CNGB1: variants seen among roughly 807,000 people sequenced by gnomAD.
The protein encoded by CNGB1 is cyclic nucleotide gated channel subunit beta 1.
A neutral mutation model predicts 151.7 loss-of-function variants in CNGB1; 126 were observed. The ratio of observed to expected loss-of-function variants is 0.83; its 90% CI spans 0.72 to 0.96. The LOEUF is 0.96. CNGB1 is among the 40% of genes least tolerant of loss of function. The pLI, the probability that CNGB1 is intolerant of heterozygous loss-of-function variation, is 0.00. For missense variants in CNGB1, 1,698 were observed against 1,627.0 expected, an observed-to-expected ratio of 1.04 and a Z score of -0.75; for synonymous variants, 623 against 635.1, an observed-to-expected ratio of 0.98 and a Z score of 0.29.
chr16:57,943,736 AT>A (rs1464141581), intron 14 of CNGB1, among the ~76,000 whole-genome samples: 1 of 152,176 alleles, frequency 6.6e-6, no homozygotes, highest in African/African-American at 2.4e-5. Flanking sequence ...TGTTGGTGGG[AT>A]TGTAAATTCA....
chr16:57,931,836 G>A lies in CNGB1; in HGVS notation c.1415C>T (p.Thr472Ile), dbSNP rs1961360646. 1 of 1,614,190 alleles carries A rather than the reference G, an allele frequency of 6.2e-7. No homozygotes were observed. Among genetic ancestry groups the A allele is most frequent in the African/African-American group, 1.3e-5 (1 of 75,042 alleles). Residue 472 changes from threonine (T) to isoleucine (I), a missense_variant, in exon 17 of 33, where the codon ACT (threonine) becomes ATT (isoleucine). Thr to Ile is a moderately conservative substitution (Grantham distance 89). Coordinates refer to ENST00000251102, the MANE Select transcript of CNGB1 (RefSeq NM_001297.5). ...CATGAGGGGGCAGCTATCAGCATCA[G>A]TATCTTCCACCTGCACTTCTGGGTG... ...KQHPEVQVED[T>I]DADSCPLMAE...
intron 14 of CNGB1, among the ~76,000 whole-genome samples, chr16:57,943,148 G>A (rs960172759): frequency 9.2e-5 from 14 of 151,924 alleles, no homozygotes; most frequent in African/African-American, 3.4e-4. Flanking sequence ...GTCAAATAAG[G>A]GGTTAATATC....
rs140016030 is a variant in CNGB1 at position 57,966,320 on chromosome 16, A to G, written c.159+808T>C. Among the ~76,000 whole-genome samples the G allele has an allele frequency of 1.3e-4, 20 of 152,300 alleles. No homozygotes were observed. The East Asian group carries it at 3.9e-3, about 29-fold the overall frequency. On this transcript the variant is annotated intron_variant, in intron 2 of 32. Coordinates refer to ENST00000251102, the MANE Select transcript of CNGB1 (RefSeq NM_001297.5). ...CTGCTGAGTCCCCGGGGCAATGCCT[A>G]TTCATCTTTATGCTTTCAGCACTGA...
chr16:57,960,760 G>T, intron 8 of CNGB1, 80 bp downstream of exon 8: 1 of 1,447,908 alleles, frequency 6.9e-7, no homozygotes, highest in Non-Finnish European at 9.6e-7. Context: ...GGGACAGCCT[G>T]CTGGAGGAGG....
intron 12 of CNGB1, among the ~76,000 whole-genome samples, chr16:57,950,761 C>T (rs546586628): frequency 4.9e-4 from 75 of 152,342 alleles, no homozygotes; most frequent in Middle Eastern, 3.4e-3. Context: ...CCATTATTTT[C>T]CCCCCTTCTC....
chr16:57,932,080 C>A (rs1277364503), intron 16 of CNGB1, among the ~76,000 whole-genome samples: 1 of 152,188 alleles, frequency 6.6e-6, no homozygotes, highest in East Asian at 1.9e-4. Context: ...GTCACAGCCA[C>A]CAGCCCAGGA....
chr16:57,897,320 A>G, intron 31 of CNGB1, 77 bp downstream of exon 31: 3 of 1,243,856 alleles, frequency 2.4e-6, no homozygotes, highest in Non-Finnish European at 3.5e-6. Context: ...AAAAAAAAAG[A>G]TAAAGGTACT....
rs115861020 is a variant in CNGB1 at position 57,970,865 on chromosome 16, T to A, written c.-9+195A>T. Among the ~76,000 whole-genome samples, 370 of 152,152 alleles carry A rather than the reference T, an allele frequency of 2.4e-3. 2 individuals are homozygous for A. The highest frequency in any genetic ancestry group is 7.8e-3 in the African/African-American group (325 of 41,534). On this transcript the variant is annotated intron_variant, in intron 1 of 32. Transcript: ENST00000251102. The stretch of plus-strand genomic sequence containing the variant: ...GATTCCTAGGTCCCCCAAGTCCTCC[T>A]GGGGGACCTAGGAATTTGCATTGTA...
At chr16:57,926,300 GC>G (rs1258298277) in intron 17 of CNGB1, among the ~76,000 whole-genome samples, 2 of 152,174 alleles carry the variant, frequency 1.3e-5, no homozygotes, top group Non-Finnish European at 2.9e-5. Flanking sequence ...AGAGAGCTGG[GC>G]AGGAGGACAC....
intron 9 of CNGB1, 106 bp downstream of exon 9, chr16:57,960,375 TG>T: frequency 7.1e-7 from 1 of 1,412,796 alleles, no homozygotes. Flanking sequence ...CGTCCTAGTC[TG>T]GGTGGGGGCT....
chr16:57,915,488 G>A lies in CNGB1; in HGVS notation c.2218-153C>T, dbSNP rs543110765. On this transcript the variant is annotated intron_variant, in intron 22 of 32. Coordinates refer to ENST00000251102, the MANE Select transcript of CNGB1 (RefSeq NM_001297.5). ...ACTAGAGGGCAGAAGGTGTCCCACC[G>A]ACAAGCCCTTGTTTGGCTTCAAAGC... Among the ~76,000 whole-genome samples the A allele has an allele frequency of 3.3e-5, 5 of 152,180 alleles. No homozygotes were observed. In the South Asian group the frequency reaches 8.3e-4, roughly 25 times the overall value.
rs35373193 is a variant in CNGB1, at chr16:57,918,108, GTTAT to G, written c.1958-636_1958-633del. On this transcript the variant is annotated intron_variant, in intron 20 of 32. Transcript: ENST00000251102. ...ATAGATGGGTATTCCAGATCATCTG[GTTAT>G]TTATTTATTTATTTATTTATTTATT... Among the ~76,000 whole-genome samples the G allele has an allele frequency of 6.2e-3, 884 of 142,442 alleles. 2 individuals carry two copies. Among genetic ancestry groups the G allele is most frequent in the Non-Finnish European group, 8.0e-3 (528 of 65,834 alleles). The allele number at this position is 142,442 out of a possible 152,430, so 93.4% of individuals were successfully genotyped here.
At chr16:57,914,618 G>T (rs1174500624) in intron 23 of CNGB1, among the ~76,000 whole-genome samples, 12 of 152,176 alleles carry the variant, frequency 7.9e-5, no homozygotes, top group Admixed American at 6.5e-4. Flanking sequence ...TGCTCTGAGT[G>T]GCTATCCACC....
At position 57,888,054 on chromosome 16, in the gene CNGB1, T is replaced by A; in HGVS notation, c.3263A>T (p.Asn1088Ile). 1 of 1,614,056 alleles carries A rather than the reference T, an allele frequency of 6.2e-7. No individual in the cohort carries two copies. Among genetic ancestry groups the A allele is most frequent in the Non-Finnish European group, 8.5e-7 (1 of 1,180,030 alleles). Residue 1088 changes from asparagine (N) to isoleucine (I), a missense_variant, in exon 32 of 33, where the codon AAT becomes ATT. Coordinates refer to ENST00000251102, the MANE Select transcript of CNGB1 (RefSeq NM_001297.5). ...CACGCTCTTCTCCTCCTTGGGCTTATTGTTGCTTCTCAGCATGCGCCTGGA... is the reference window on the plus strand; with the variant it reads ...CACGCTCTTCTCCTCCTTGGGCTTAATGTTGCTTCTCAGCATGCGCCTGGA... ...KKARRMLRSN[N>I]KPKEEKSVLI...
chr16:57,956,049 T>C, intron 12 of CNGB1, among the ~76,000 whole-genome samples: 1 of 152,142 alleles, frequency 6.6e-6, no homozygotes, highest in East Asian at 1.9e-4. Flanking sequence ...CCATAACCCA[T>C]ATGCTCCAGG....
intron 1 of CNGB1, among the ~76,000 whole-genome samples, chr16:57,969,375 A>G (rs1160630601): frequency 6.6e-6 from 1 of 152,034 alleles, no homozygotes; most frequent in Non-Finnish European, 1.5e-5. Context: ...CCAGCACTTC[A>G]GGAGGCTGAG....
At position 57,903,958 on chromosome 16, in the gene CNGB1, G is replaced by A. The variant is rs748162177; in HGVS notation, c.2658C>T (p.Ala886=). Residue 886 remains alanine, a synonymous_variant, in exon 27 of 33, where the codon GCC becomes GCT. Transcript: ENST00000251102. ...IGQMRDVVGA[A]TAGQTYYRSC... is the part of the protein sequence containing the mutation. ...TGCGGTAGTAGGTCTGTCCGGCGGTGGCGGCCCCTACCACATCTCTCATCT... is the reference window on the plus strand; with the variant it reads ...TGCGGTAGTAGGTCTGTCCGGCGGTAGCGGCCCCTACCACATCTCTCATCT... The A allele has an allele frequency of 5.6e-6, 9 of 1,613,824 alleles. No homozygotes were observed. Among genetic ancestry groups the A allele is most frequent in the Middle Eastern group, 1.7e-4 (1 of 5,972 alleles).
intron 16 of CNGB1, among the ~76,000 whole-genome samples, chr16:57,939,002 T>C (rs1174134839): frequency 6.6e-6 from 1 of 152,108 alleles, no homozygotes; most frequent in Non-Finnish European, 1.5e-5. Flanking sequence ...CTCAGCTATG[T>C]GATGTCTGAG....
intron 31 of CNGB1, 58 bp downstream of exon 31, chr16:57,897,339 G>T: frequency 3.0e-4 from 398 of 1,331,792 alleles, no homozygotes; most frequent in Non-Finnish European, 3.7e-4. Flanking sequence ...CTGTGGTTAT[G>T]TAAGAGAAAT....
Sources: allele counts gnomAD v4.1 joint callset (sites outside exome capture counted in the v4.1 genomes callset), GRCh38; gene constraint gnomAD v4.1.1; transcripts MANE v1.5; gene names NCBI Gene and HGNC (gene_info 2026-07-23, HGNC 2026-07-21).